ULK4: variants seen among roughly 807,000 people sequenced by gnomAD.
ULK4 encodes the protein unc-51 like kinase 4.
A neutral mutation model predicts 160.6 loss-of-function variants in ULK4; 133 were observed. The observed-to-expected ratio is 0.83, with a 90% CI of 0.72 to 0.96. ULK4 has a LOEUF of 0.96. ULK4 is among the 40% of genes least tolerant of loss of function. The probability of loss-of-function intolerance (pLI) is 0.00; values close to 1 mark genes in which losing one functional copy is unlikely to be tolerated. For synonymous variants in ULK4, 534 were observed against 539.8 expected (o/e 0.99, Z 0.15); for missense variants, 1,580 against 1,499.5 (o/e 1.05, Z -0.89).
chr3:41,417,075 G>A (rs1315647195), intron 34 of ULK4, among the ~76,000 whole-genome samples: 4 of 152,136 alleles, frequency 2.6e-5, no homozygotes, highest in Non-Finnish European at 4.4e-5. Flanking sequence ...TGGGGGCCAA[G>A]GAGTGACCAC....
intron 31 of ULK4, among the ~76,000 whole-genome samples, chr3:41,595,525 G>A (rs1293483045): frequency 1.3e-5 from 2 of 152,190 alleles, no homozygotes; most frequent in Non-Finnish European, 2.9e-5. Flanking sequence ...AAGAAAAGGT[G>A]TTCCAAGACA....
chr3:41,759,573 G>C (rs2038920116), intron 21 of ULK4, among the ~76,000 whole-genome samples: 1 of 152,086 alleles, frequency 6.6e-6, no homozygotes, highest in African/African-American at 2.4e-5. Flanking sequence ...TTGACCTATA[G>C]ACTTAATGCA....
chr3:41,935,121 T>C (rs1389122593), intron 4 of ULK4, among the ~76,000 whole-genome samples: 2 of 144,524 alleles, frequency 1.4e-5, no homozygotes, highest in East Asian at 4.4e-4. Context: ...ATTCAAGCAA[T>C]TCTCCCTGCC....
intron 31 of ULK4, among the ~76,000 whole-genome samples, chr3:41,608,395 T>G (rs1437457340): frequency 1.3e-5 from 2 of 152,248 alleles, no homozygotes; most frequent in Non-Finnish European, 2.9e-5. Context: ...CATTTCTACT[T>G]TCTCAAAAAG....
At chr3:41,848,677 T>C (rs2042128783) in intron 17 of ULK4, among the ~76,000 whole-genome samples, 1 of 152,202 alleles carries the variant, frequency 6.6e-6, no homozygotes, top group Non-Finnish European at 1.5e-5. Context: ...TTTTTCCTTC[T>C]AGCAGTATCC....
At chr3:41,372,790 A>T (rs1212139247) in intron 35 of ULK4, among the ~76,000 whole-genome samples, 1 of 152,248 alleles carries the variant, frequency 6.6e-6, no homozygotes, top group Non-Finnish European at 1.5e-5. Context: ...ACACATAAAA[A>T]TATTAACCTT....
chr3:41,758,610 G>GCA (rs1256403732), intron 21 of ULK4, among the ~76,000 whole-genome samples: 1 of 152,134 alleles, frequency 6.6e-6, no homozygotes, highest in African/African-American at 2.4e-5. Context: ...AAGTGGCCGG[G>GCA]CACAGTGGCT....
chr3:41,447,950 T>G (rs2083340934), intron 34 of ULK4, among the ~76,000 whole-genome samples: 1 of 152,174 alleles, frequency 6.6e-6, no homozygotes, highest in African/African-American at 2.4e-5. Flanking sequence ...CACCACCTCC[T>G]ACTAGAGGCC....
intron 17 of ULK4, among the ~76,000 whole-genome samples, chr3:41,847,037 T>C (rs1406595114): frequency 6.6e-6 from 1 of 152,186 alleles, no homozygotes; most frequent in Non-Finnish European, 1.5e-5. Flanking sequence ...GTTGGCTGAA[T>C]ACTGCAAATA....
intron 35 of ULK4, among the ~76,000 whole-genome samples, chr3:41,388,937 T>A (rs2081888636): frequency 6.6e-6 from 1 of 152,094 alleles, no homozygotes; most frequent in East Asian, 1.9e-4. Context: ...TTGATGGGGA[T>A]GGCATTGAAT....
chr3:41,387,153 G>A (rs972809928), intron 35 of ULK4, among the ~76,000 whole-genome samples: 3 of 152,146 alleles, frequency 2.0e-5, no homozygotes, highest in African/African-American at 4.8e-5. Context: ...GTAAGGTTTC[G>A]ATACATATAA....
At chr3:41,829,695 G>A (rs893439976) in intron 18 of ULK4, among the ~76,000 whole-genome samples, 2 of 152,094 alleles carry the variant, frequency 1.3e-5, no homozygotes, top group African/African-American at 4.8e-5. Context: ...TACAGTGTTG[G>A]TGGGACTGTA....
chr3:41,477,009 G>T (rs950952945), intron 32 of ULK4, among the ~76,000 whole-genome samples: 1 of 152,214 alleles, frequency 6.6e-6, no homozygotes, highest in Non-Finnish European at 1.5e-5. Context: ...GATGCTGTTG[G>T]GATGCATCTG....
At chr3:41,457,072 C>T (rs928685087) in intron 33 of ULK4, among the ~76,000 whole-genome samples, 2 of 152,218 alleles carry the variant, frequency 1.3e-5, no homozygotes, top group African/African-American at 4.8e-5. Context: ...TCCAAGAGGT[C>T]TGAACCTTTC....
At chr3:41,774,196 G>C (rs2039516030) in intron 21 of ULK4, among the ~76,000 whole-genome samples, 1 of 151,774 alleles carries the variant, frequency 6.6e-6, no homozygotes, top group Non-Finnish European at 1.5e-5. Flanking sequence ...CAAAAGCAAT[G>C]GCAACAAAAG....
intron 32 of ULK4, among the ~76,000 whole-genome samples, chr3:41,522,169 C>A (rs1348367491): frequency 6.6e-6 from 1 of 150,408 alleles, no homozygotes; most frequent in Non-Finnish European, 1.5e-5. Context: ...CTCTGTCACC[C>A]AGGCAGCAGT....
intron 19 of ULK4, among the ~76,000 whole-genome samples, chr3:41,814,262 A>C (rs1275983425): frequency 6.6e-6 from 1 of 152,210 alleles, no homozygotes; most frequent in Non-Finnish European, 1.5e-5. Flanking sequence ...TACACCATAC[A>C]AGCTTTGTAT....
intron 31 of ULK4, among the ~76,000 whole-genome samples, chr3:41,588,124 A>G (rs1005008112): frequency 1.3e-5 from 2 of 152,192 alleles, no homozygotes; most frequent in Non-Finnish European, 2.9e-5. Flanking sequence ...AGGTGCCACA[A>G]TAGAACTGCA....
intron 34 of ULK4, among the ~76,000 whole-genome samples, chr3:41,403,558 C>T (rs888834478): frequency 2.0e-5 from 3 of 151,690 alleles, no homozygotes; most frequent in Non-Finnish European, 4.4e-5. Context: ...TCATTGATTT[C>T]TCTGTATTGT....
Sources: gnomAD v4.1 joint callset for allele counts (sites outside exome capture counted in the v4.1 genomes callset) on GRCh38, gnomAD v4.1.1 for gene constraint, MANE v1.5 for transcripts, NCBI Gene and HGNC (gene_info 2026-07-23, HGNC 2026-07-21) for gene names.